Variants in LEPR observed in about 807,000 individuals in gnomAD.
LEPR encodes OB receptor.
Under a neutral mutation model 114.7 loss-of-function variants are expected in LEPR, and 56 were observed. The ratio of observed to expected loss-of-function variants is 0.49; its 90% CI spans 0.39 to 0.61. The LOEUF is 0.61. Among genes scored for constraint, LEPR ranks in the 20% least tolerant of loss-of-function variants. The pLI is 0.00. For synonymous variants in LEPR, 443 were observed against 461.4 expected (o/e 0.96, Z 0.51); for missense variants, 1,202 against 1,352.9 (o/e 0.89, Z 1.75).
intron 17 of LEPR, 32 bp downstream of exon 17, chr1:65,620,055 C>G (rs775068745): frequency 6.6e-7 from 1 of 1,503,786 alleles, no homozygotes; most frequent in East Asian, 2.3e-5. Flanking sequence ...TCCTTTTACA[C>G]CAATGTGTGT....
chr1:65,632,983 C>T (rs1170396914), intron 19 of LEPR, among the ~76,000 whole-genome samples: 1 of 152,168 alleles, frequency 6.6e-6, no homozygotes, highest in East Asian at 1.9e-4. Context: ...GAGAAGCCAC[C>T]TTAGTTCAAA....
At chr1:65,422,185 A>G (rs1557578209) in intron 1 of LEPR, among the ~76,000 whole-genome samples, 1 of 152,350 alleles carries the variant, frequency 6.6e-6, no homozygotes, top group Non-Finnish European at 1.5e-5. Flanking sequence ...TTAAAATGAT[A>G]ACTGGTTTAA....
At chr1:65,551,182 T>C (rs971015395) in intron 2 of LEPR, among the ~76,000 whole-genome samples, 10 of 152,168 alleles carry the variant, frequency 6.6e-5, no homozygotes, top group African/African-American at 1.9e-4. Flanking sequence ...ATTTTCTTTT[T>C]TTGTTTTGTC....
intron 2 of LEPR, chr1:65,525,472 C>T (rs1649875039): frequency 9.0e-6 from 2 of 223,440 alleles, no homozygotes; most frequent in Admixed American, 6.5e-5. Context: ...CGCGGCCACC[C>T]GCAGCGGCAT....
At chr1:65,604,692 C>T (rs1313064577) in intron 10 of LEPR, among the ~76,000 whole-genome samples, 1 of 152,184 alleles carries the variant, frequency 6.6e-6, no homozygotes, top group Non-Finnish European at 1.5e-5. Context: ...CTCTTAGGAA[C>T]CCGGCCACAA....
chr1:65,601,409 C>T lies in LEPR; in HGVS notation c.1012C>T (p.Pro338Ser). 6.2e-7 allele frequency: 1 copy of T among 1,613,072 alleles called. No homozygotes were observed. The highest frequency in any genetic ancestry group is 1.7e-4 in the Middle Eastern group (1 of 5,928). Residue 338 changes from proline (P) to serine (S), a missense_variant, in exon 9 of 20, where the codon CCT (proline) becomes TCT (serine). By Grantham distance (74) the Pro-to-Ser change is moderately conservative. Coordinates refer to ENST00000349533, the MANE Select transcript of LEPR (RefSeq NM_002303.6). ...FTTQDVIYFPPKILTSVGSNV... is the reference protein window; with the variant it reads ...FTTQDVIYFPSKILTSVGSNV... ...CATTACAGATGTCATATACTTTCCACCTAAAATTCTGACAAGTGTTGGGTC... is the reference window on the plus strand; with the variant it reads ...CATTACAGATGTCATATACTTTCCATCTAAAATTCTGACAAGTGTTGGGTC...
intron 2 of LEPR, among the ~76,000 whole-genome samples, chr1:65,499,794 TG>T (rs1437364743): frequency 6.6e-6 from 1 of 152,156 alleles, no homozygotes; most frequent in Non-Finnish European, 1.5e-5. Flanking sequence ...CCCAAGTATT[TG>T]TATAAAATTT....
At chr1:65,488,159 C>CTTT (rs1647610430) in intron 2 of LEPR, among the ~76,000 whole-genome samples, 5 of 65,482 alleles carry the variant, frequency 7.6e-5, no homozygotes, top group East Asian at 3.9e-4. Flanking sequence ...TTCCTTCCTT[C>CTTT]CTTTCTTTCT....
chr1:65,436,154 A>T (rs11803194), intron 2 of LEPR: 1 of 813,132 alleles, frequency 1.2e-6, no homozygotes, highest in Non-Finnish European at 1.5e-6. Flanking sequence ...TGAAGCCTGT[A>T]CTTGCTGTAG....
intron 14 of LEPR, among the ~76,000 whole-genome samples, chr1:65,613,508 C>T (rs1657313787): frequency 2.1e-5 from 2 of 96,866 alleles, no homozygotes; most frequent in Admixed American, 1.1e-4. Flanking sequence ...AATCCCAGCA[C>T]TTTGGGAGGC....
intron 2 of LEPR, among the ~76,000 whole-genome samples, chr1:65,543,334 T>G (rs1651385553): frequency 1.3e-5 from 2 of 151,978 alleles, no homozygotes; most frequent in African/African-American, 4.8e-5. Context: ...TATAAATTTG[T>G]TTAAGTTCTT....
At chr1:65,557,966 G>A (rs1215388903) in intron 2 of LEPR, among the ~76,000 whole-genome samples, 1 of 152,124 alleles carries the variant, frequency 6.6e-6, no homozygotes, top group East Asian at 1.9e-4. Context: ...AGAAGTGGTT[G>A]TTTTATGTAA....
chr1:65,616,015 T>G lies in LEPR; in HGVS notation c.2003T>G (p.Met668Arg). ...KNVTLLWKPLMKNDSLCSVQR... is the reference protein window; with the variant it reads ...KNVTLLWKPLRKNDSLCSVQR... The stretch of plus-strand genomic sequence containing the variant: ...TTTCTATATTTACTACAGCCCCTGA[T>G]GAAAAATGACTCATTGTGCAGTGTT... Residue 668 changes from methionine to arginine, a missense_variant, in exon 15 of 20, where the codon ATG (methionine) becomes AGG (arginine). By Grantham distance (91) the Met-to-Arg change is moderately conservative. Coordinates refer to ENST00000349533, the MANE Select transcript of LEPR (RefSeq NM_002303.6). 1 of 1,614,116 alleles carries G rather than the reference T, an allele frequency of 6.2e-7. No individual in the cohort carries two copies. The highest frequency in any genetic ancestry group is 8.5e-7 in the Non-Finnish European group (1 of 1,179,980).
rs1398689096 is a variant in LEPR at position 65,444,286 on chromosome 1, A to T, written c.-21+18908A>T. On this transcript the variant is annotated intron_variant, in intron 2 of 19. Transcript: ENST00000349533. ...CCTTCTGAGGGCTGCTCCCAGAGAG[A>T]CTTCATCTGCATCACAAGACAGCCT... Among the ~76,000 whole-genome samples, 7 of 151,898 alleles carry T rather than the reference A, an allele frequency of 4.6e-5. No homozygotes were observed. The South Asian group carries it at 1.5e-3, about 32-fold the overall frequency.
intron 4 of LEPR, 138 bp from the exon 5 acceptor site, chr1:65,572,188 C>G (rs954444218): frequency 1.3e-5 from 15 of 1,177,272 alleles, no homozygotes; most frequent in African/African-American, 7.8e-5. Flanking sequence ...TTCTTTTTCT[C>G]TCAGAATAGG....
At chr1:65,477,154 C>G (rs1196689691) in intron 2 of LEPR, among the ~76,000 whole-genome samples, 1 of 152,076 alleles carries the variant, frequency 6.6e-6, no homozygotes, top group Non-Finnish European at 1.5e-5. Context: ...GAGATCTTTC[C>G]TTACCCACCT....
chr1:65,510,415 C>G (rs77273543), intron 2 of LEPR, among the ~76,000 whole-genome samples: 5,829 of 152,234 alleles, frequency 0.038, 171 homozygotes, highest in Non-Finnish European at 0.054. Flanking sequence ...TTTAGCAAGG[C>G]AGAAGCAAGC....
intron 2 of LEPR, among the ~76,000 whole-genome samples, chr1:65,449,688 T>TG (rs1557597096): frequency 2.6e-5 from 4 of 151,984 alleles, no homozygotes; most frequent in Non-Finnish European, 1.5e-5. Context: ...ATTTATCTTT[T>TG]TTTTTTTTTT....
chr1:65,473,013 A>G (rs1557611649), intron 2 of LEPR, among the ~76,000 whole-genome samples: 1 of 152,262 alleles, frequency 6.6e-6, no homozygotes, highest in Non-Finnish European at 1.5e-5. Flanking sequence ...TTACTGCCTC[A>G]CAAGGCAGCC....
Sources: allele counts gnomAD v4.1 joint callset (sites outside exome capture counted in the v4.1 genomes callset), GRCh38; gene constraint gnomAD v4.1.1; transcripts MANE v1.5; gene names NCBI Gene and HGNC (gene_info 2026-07-23, HGNC 2026-07-21).